The following DDHD2 variants were observed in gnomAD, a reference collection of about 807,000 sequenced individuals.
DDHD2 encodes the protein triacylglycerol hydrolase DDHD2.
A neutral mutation model predicts 91.2 loss-of-function variants in DDHD2; 62 were observed. The ratio of observed to expected loss-of-function variants is 0.68; its 90% CI spans 0.55 to 0.84. DDHD2 has a LOEUF of 0.84. Among genes scored for constraint, DDHD2 ranks in the 40% least tolerant of loss-of-function variants. The pLI, the probability that DDHD2 is intolerant of heterozygous loss-of-function variation, is 0.00. For synonymous variants in DDHD2, 271 were observed against 293.9 expected (o/e 0.92, Z 0.80); for missense variants, 740 against 846.9 (o/e 0.87, Z 1.57).
chr8:38,252,972 T>C lies in DDHD2; in HGVS notation c.1736T>C (p.Leu579Ser). Residue 579 changes from leucine (L) to serine (S), a missense_variant, in exon 15 of 18, where the codon TTG becomes TCG. Physicochemically the swap from Leu to Ser is moderately radical, Grantham distance 145. This residue lies in a region of DDHD2 where 693 missense variants were observed against 764.2 expected (regional missense o/e 0.91). Coordinates refer to ENST00000397166, the MANE Select transcript of DDHD2 (RefSeq NM_015214.3). ...KRMHLELREG[L>S]TRMSMDLKNN... is the part of the protein sequence containing the mutation. ...TATGTTTCAGAACTGAGAGAGGGCT[T>C]GACCAGGATGAGTATGGACCTTAAG... 1 of 1,614,024 alleles carries C rather than the reference T, an allele frequency of 6.2e-7. No individual in the cohort carries two copies. Among genetic ancestry groups the C allele is most frequent in the Non-Finnish European group, 8.5e-7 (1 of 1,179,976 alleles).
At chr8:38,267,908 C>A in intron 1 of DDHD2, 1 of 1,613,962 alleles carries the variant, frequency 6.2e-7, no homozygotes, top group South Asian at 1.1e-5. Context: ...TCCCTACGAT[C>A]AGTTTTATTG....
At chr8:38,242,053 C>CAAA in intron 6 of DDHD2, 197 bp from the exon 7 acceptor site, 3 of 416,374 alleles carry the variant, frequency 7.2e-6, no homozygotes, top group Non-Finnish European at 1.3e-5. Context: ...TACTCCATCT[C>CAAA]AAAAAAAAAA....
chr8:38,268,970 G>A, intron 1 of DDHD2: 1 of 1,568,454 alleles, frequency 6.4e-7, no homozygotes, highest in African/African-American at 1.4e-5. Flanking sequence ...TCTCTGGAAC[G>A]GGGGGAGCAG....
rs1243531561 is a variant in DDHD2 at position 38,253,611 on chromosome 8, T to C, written c.1947T>C (p.Asn649=). The change falls in exon 16 of 18, where the codon AAT becomes AAC. Residue 649 remains asparagine, a synonymous_variant. Coordinates refer to ENST00000397166, the MANE Select transcript of DDHD2 (RefSeq NM_015214.3). The part of the protein sequence containing the change: ...VAVKEEVLPI[N]VGMLNGGQRI... ...TTAAAGAAGAAGTCCTGCCTATCAA[T>C]GTGGGGATGCTGAATGGAGGCCAAC... is the stretch of plus-strand genomic sequence containing the variant. 2 of 1,614,014 alleles carry C rather than the reference T, an allele frequency of 1.2e-6. No homozygotes were observed. The highest frequency in any genetic ancestry group is 2.7e-5 in the African/African-American group (2 of 74,926).
At chr8:38,266,674 A>G (rs186326300), downstream of DDHD2, among the ~76,000 whole-genome samples, 1 of 152,286 alleles carries the variant, frequency 6.6e-6, no homozygotes, top group Non-Finnish European at 1.5e-5. Flanking sequence ...TGCTGGGATT[A>G]CAGGTATGAG....
downstream of DDHD2, chr8:38,264,169 A>C: frequency 1.0e-6 from 1 of 1,003,830 alleles, no homozygotes; most frequent in Non-Finnish European, 1.2e-6. Context: ...TTTTTTTGAG[A>C]TGGGGTCTCA....
rs553388060 is a variant in DDHD2 at position 38,247,372 on chromosome 8, G to A, written c.1126-341G>A. On this transcript the variant is annotated intron_variant, in intron 9 of 17. Coordinates refer to ENST00000397166, the MANE Select transcript of DDHD2 (RefSeq NM_015214.3). ...CCTGACCTTGTGATCCGCCCACCTCGGCCTCCCAAAGTGCTGGGATTACAG... is the reference window on the plus strand; with the variant it reads ...CCTGACCTTGTGATCCGCCCACCTCAGCCTCCCAAAGTGCTGGGATTACAG... 3.8e-5 allele frequency: 6 copies of A among 157,126 alleles called. No homozygotes were observed. In the South Asian group the frequency reaches 9.5e-4, roughly 25 times the overall value. 9.7% of individuals were successfully genotyped at this position (157,126 alleles called of 1,614,324 possible). A position where few individuals can be genotyped will look rare whatever the true frequency, so the allele number is the denominator to read the frequency against.
At position 38,262,165 on chromosome 8, in the gene DDHD2, C is replaced by G. The variant is rs373451527; in HGVS notation, c.*1592C>G. ...CACTAAGTTTCAGATATATGGAATA[C>G]TTTATTTTTTTAAAGGTATATAAAC... is the stretch of plus-strand genomic sequence containing the variant. On this transcript the variant is annotated 3_prime_UTR_variant, in exon 18 of 18. Coordinates refer to ENST00000397166, the MANE Select transcript of DDHD2 (RefSeq NM_015214.3). 6.6e-6 allele frequency: 1 copy of G among 152,200 alleles called. No individual in the cohort carries two copies. Among genetic ancestry groups the G allele is most frequent in the East Asian group, 1.9e-4 (1 of 5,190 alleles). The allele number at this position is 152,200 out of a possible 1,614,324, so 9.4% of individuals were successfully genotyped here.
chr8:38,271,207 G>A (rs1335088095), exon 2 of DDHD2: 1 of 152,084 alleles, frequency 6.6e-6, no homozygotes, highest in East Asian at 1.9e-4. Flanking sequence ...TTTAATCCAC[G>A]CTAAAGAGGA....
chr8:38,264,060 T>G (rs1807239202), downstream of DDHD2: 2 of 989,796 alleles, frequency 2.0e-6, no homozygotes, highest in African/African-American at 3.5e-5. Flanking sequence ...CACTTGCACC[T>G]TGGAAGGGGA....
rs1359490117 is a variant in DDHD2 at position 38,261,198 on chromosome 8, T to G, written c.*625T>G. Reference sequence around the variant, plus strand: ...ACTCTCTTAGAACTGACAGACTTATTGCCAGAAATCACTGATGTTCATTGT... The same window carrying G: ...ACTCTCTTAGAACTGACAGACTTATGGCCAGAAATCACTGATGTTCATTGT... On this transcript the variant is annotated 3_prime_UTR_variant, in exon 18 of 18. Coordinates refer to ENST00000397166, the MANE Select transcript of DDHD2 (RefSeq NM_015214.3). 6.6e-6 allele frequency: 1 copy of G among 152,222 alleles called. No homozygotes were observed. Among genetic ancestry groups the G allele is most frequent in the Non-Finnish European group, 1.5e-5 (1 of 68,038 alleles). 9.4% of individuals were successfully genotyped at this position (152,222 alleles called of 1,614,324 possible).
At chr8:38,242,480 A>G in intron 7 of DDHD2, 95 bp downstream of exon 7, 7 of 1,316,560 alleles carry the variant, frequency 5.3e-6, no homozygotes, top group Non-Finnish European at 7.3e-6. Context: ...AGCTGACTGA[A>G]TATTTAAAAT....
intron 16 of DDHD2, among the ~76,000 whole-genome samples, chr8:38,254,253 T>C (rs1002760169): frequency 1.3e-5 from 2 of 152,296 alleles, no homozygotes; most frequent in South Asian, 4.1e-4. Flanking sequence ...ATTATCTTGG[T>C]GTTAAAAATG....
At chr8:38,249,139 G>A (rs912554128) in intron 10 of DDHD2, among the ~76,000 whole-genome samples, 3 of 151,708 alleles carry the variant, frequency 2.0e-5, no homozygotes, top group Admixed American at 1.3e-4. Context: ...TTGAGACGGA[G>A]TCTTGCTCTG....
rs781288112 is a variant in DDHD2 at position 38,246,205 on chromosome 8, A to C, written c.1058-28A>C. 4.6e-6 allele frequency: 7 copies of C among 1,520,644 alleles called. No homozygotes were observed. In the South Asian group the frequency reaches 8.0e-5, roughly 17 times the overall value. The allele number at this position is 1,520,644 out of a possible 1,614,324, so 94.2% of individuals were successfully genotyped here. On this transcript the variant is annotated intron_variant, in intron 8 of 17. Transcript: ENST00000397166. ...AGCCATTTAGTGCTAATGCTTAGAA[A>C]TTGTCCCTTCTTCTATTTTACTTAT...
intron 1 of DDHD2, chr8:38,270,089 A>G (rs895631368): frequency 6.6e-6 from 1 of 152,218 alleles, no homozygotes; most frequent in African/African-American, 2.4e-5. Context: ...AAGTCATTAT[A>G]CAGTAATGCC....
At chr8:38,267,234 A>C (rs1472906975), downstream of DDHD2, 1 of 1,613,818 alleles carries the variant, frequency 6.2e-7, no homozygotes, top group Non-Finnish European at 8.5e-7. Flanking sequence ...ATGTGAAAAC[A>C]AGCATAGGGT....
At chr8:38,266,259 G>A, downstream of DDHD2, 1 of 1,613,790 alleles carries the variant, frequency 6.2e-7, no homozygotes, top group South Asian at 1.1e-5. Context: ...GTGTGAAGCA[G>A]TGTAACTTCC....
At chr8:38,264,428 C>G, downstream of DDHD2, 2 of 1,534,486 alleles carry the variant, frequency 1.3e-6, no homozygotes, top group Middle Eastern at 1.7e-4. Context: ...CCACCACGCC[C>G]GGCCAGATTC....
Sources: allele counts gnomAD v4.1 joint callset (sites outside exome capture counted in the v4.1 genomes callset), GRCh38; gene constraint gnomAD v4.1.1; regional missense constraint gnomAD v4.1.1; transcripts MANE v1.5; gene names NCBI Gene and HGNC (gene_info 2026-07-23, HGNC 2026-07-21).